MGMT: variants seen among roughly 807,000 people sequenced by gnomAD.
MGMT encodes the protein methylated-DNA--protein-cysteine methyltransferase.
In MGMT, 14 loss-of-function variants were observed where a neutral mutation model predicts 15.9. That is an observed-to-expected ratio of 0.88 (90% confidence interval 0.58 to 1.37). The LOEUF (loss-of-function observed/expected upper bound fraction) is 1.37, where lower values mean the gene tolerates loss of function less well. MGMT is among the 40% of genes most tolerant of loss of function. The pLI is 0.00. For synonymous variants in MGMT, 130 were observed against 118.2 expected, an observed-to-expected ratio of 1.10 and a Z score of -0.65; for missense variants, 282 against 268.1, an observed-to-expected ratio of 1.05 and a Z score of -0.36.
chr10:129,767,056 G>A lies in MGMT; in HGVS notation c.*59G>A, dbSNP rs1055215900. ...ACACGTGTAACACTGCATCGGATGCGGGGCGTGGAGGCACCGCTGTATTAA... is the reference window on the plus strand; with the variant it reads ...ACACGTGTAACACTGCATCGGATGCAGGGCGTGGAGGCACCGCTGTATTAA... On this transcript the variant is annotated 3_prime_UTR_variant, in exon 5 of 5. Coordinates refer to ENST00000651593, the MANE Select transcript of MGMT (RefSeq NM_002412.5). 4.9e-5 allele frequency: 68 copies of A among 1,380,836 alleles called. No individual in the cohort carries two copies. Among genetic ancestry groups the A allele is most frequent in the African/African-American group, 7.2e-5 (5 of 69,772 alleles). The allele number at this position is 1,380,836 out of a possible 1,614,324, so 85.5% of individuals were successfully genotyped here. A position where few individuals can be genotyped will look rare whatever the true frequency, so the allele number is the denominator to read the frequency against.
At chr10:129,552,836 T>C (rs1303457534) in intron 2 of MGMT, among the ~76,000 whole-genome samples, 2 of 152,278 alleles carry the variant, frequency 1.3e-5, no homozygotes, top group Non-Finnish European at 2.9e-5. Context: ...CCTGCTCTTT[T>C]TGTTTTTCCC....
At chr10:129,642,450 T>C (rs1484993170) in intron 2 of MGMT, among the ~76,000 whole-genome samples, 1 of 151,870 alleles carries the variant, frequency 6.6e-6, no homozygotes, top group Non-Finnish European at 1.5e-5. Context: ...AAAAAAAAAA[T>C]AGATCATTAA....
intron 2 of MGMT, among the ~76,000 whole-genome samples, chr10:129,611,417 A>G (rs953981514): frequency 2.6e-5 from 4 of 152,148 alleles, no homozygotes; most frequent in Admixed American, 6.5e-5. Context: ...CTCACTCACT[A>G]TCATGAGAAT....
intron 1 of MGMT, among the ~76,000 whole-genome samples, chr10:129,489,359 CAAAAAAAAAAAA>C (rs34274988): frequency 3.7e-4 from 21 of 57,364 alleles, no homozygotes; most frequent in Non-Finnish European, 1.8e-4. Flanking sequence ...GACTCTGTCT[CAAAAAAAAAAAA>C]AAAAAAAAAA....
intron 2 of MGMT, among the ~76,000 whole-genome samples, chr10:129,676,879 TATG>T (rs1200942381): frequency 2.0e-5 from 3 of 152,198 alleles, no homozygotes; most frequent in Non-Finnish European, 4.4e-5. Flanking sequence ...TACTGGGCAT[TATG>T]AGTGTATTTT....
chr10:129,514,982 A>G (rs1267724449), intron 1 of MGMT, among the ~76,000 whole-genome samples: 2 of 152,186 alleles, frequency 1.3e-5, no homozygotes, highest in Non-Finnish European at 2.9e-5. Context: ...ATTTTCCGGA[A>G]GCTGTGTCAG....
intron 2 of MGMT, among the ~76,000 whole-genome samples, chr10:129,649,780 A>G (rs940269244): frequency 6.6e-6 from 1 of 152,244 alleles, no homozygotes; most frequent in Non-Finnish European, 1.5e-5. Flanking sequence ...AGAGGTGCCA[A>G]TACAAGATAG....
chr10:129,766,689 G>T lies in MGMT; in HGVS notation c.415-99G>T, dbSNP rs149921534. ...TGCCCCTGGCACAGGCCCCTGCTTG[G>T]TGGGCACAGGACTCCTGTCAGTCAG... is the stretch of plus-strand genomic sequence containing the variant. On this transcript the variant is annotated intron_variant, in intron 4 of 4. Transcript: ENST00000651593. 1,960 of 1,104,302 alleles carry T rather than the reference G, an allele frequency of 1.8e-3. 22 individuals are homozygous for T. The Middle Eastern group carries it at 0.02, about 11-fold the overall frequency. 68.4% of individuals were successfully genotyped at this position (1,104,302 alleles called of 1,614,324 possible).
chr10:129,672,308 G>A (rs1333578560), intron 2 of MGMT, among the ~76,000 whole-genome samples: 2 of 152,160 alleles, frequency 1.3e-5, no homozygotes, highest in Non-Finnish European at 2.9e-5. Context: ...TCTAAATTGA[G>A]ATCTGACTAG....
intron 1 of MGMT, among the ~76,000 whole-genome samples, chr10:129,519,579 C>T (rs1845781589): frequency 6.6e-6 from 1 of 152,226 alleles, no homozygotes; most frequent in African/African-American, 2.4e-5. Context: ...TGTCCACAGC[C>T]ACCGGAGCAT....
chr10:129,643,220 G>A, intron 2 of MGMT, among the ~76,000 whole-genome samples: 1 of 152,192 alleles, frequency 6.6e-6, no homozygotes. Context: ...CCCCATGGCA[G>A]GTGAGGCTGT....
At chr10:129,650,491 T>G (rs982496226) in intron 2 of MGMT, among the ~76,000 whole-genome samples, 2 of 152,120 alleles carry the variant, frequency 1.3e-5, no homozygotes, top group Non-Finnish European at 2.9e-5. Flanking sequence ...CCTCCGAAGG[T>G]GCCGGTACGT....
At chr10:129,627,518 G>A (rs1364953765) in intron 2 of MGMT, among the ~76,000 whole-genome samples, 1 of 152,154 alleles carries the variant, frequency 6.6e-6, no homozygotes, top group Non-Finnish European at 1.5e-5. Context: ...GTGCAGACCT[G>A]TATTTTTTTG....
At chr10:129,708,082 G>A in intron 3 of MGMT, 39 bp downstream of exon 3, 2 of 1,578,122 alleles carry the variant, frequency 1.3e-6, no homozygotes, top group Admixed American at 3.8e-5. Flanking sequence ...CCTTTGGGGA[G>A]CTTGACTTAT....
Position 129,699,587 on chromosome 10 carries a change from A to G in MGMT, c.126-8308A>G, listed in dbSNP as rs535607160. ...TAGTACATGAACCCGTTGGTGGCCT[A>G]TAATAGGATCATAAACATAGGATTC... On this transcript the variant is annotated intron_variant, in intron 2 of 4. Transcript: ENST00000651593. 9.2e-4 allele frequency among the ~76,000 whole-genome samples: 140 copies of G among 152,290 alleles called. 5 individuals carry two copies. The South Asian group carries it at 0.028, about 30-fold the overall frequency.
At chr10:129,595,911 C>T (rs1360588135) in intron 2 of MGMT, among the ~76,000 whole-genome samples, 1 of 152,138 alleles carries the variant, frequency 6.6e-6, no homozygotes, top group East Asian at 1.9e-4. Context: ...AACAAGTTTT[C>T]TATGGGGGAG....
chr10:129,542,787 G>A (rs1261541412), intron 2 of MGMT, among the ~76,000 whole-genome samples: 1 of 152,176 alleles, frequency 6.6e-6, no homozygotes, highest in Non-Finnish European at 1.5e-5. Context: ...GGCGAGCCTG[G>A]AACCCCTTGT....
chr10:129,641,502 A>G (rs1014004791), intron 2 of MGMT, among the ~76,000 whole-genome samples: 2 of 152,190 alleles, frequency 1.3e-5, no homozygotes, highest in Non-Finnish European at 2.9e-5. Flanking sequence ...ACCCATCACT[A>G]GAGAATGTTA....
At chr10:129,531,076 C>T (rs1408352180) in intron 1 of MGMT, among the ~76,000 whole-genome samples, 1 of 152,142 alleles carries the variant, frequency 6.6e-6, no homozygotes, top group African/African-American at 2.4e-5. Flanking sequence ...GAATCTTCAT[C>T]TTCCGTGGGC....
Sources: allele counts gnomAD v4.1 joint callset (sites outside exome capture counted in the v4.1 genomes callset), GRCh38; gene constraint gnomAD v4.1.1; transcripts MANE v1.5; gene names NCBI Gene and HGNC (gene_info 2026-07-23, HGNC 2026-07-21).